PCDHGB4: variants seen among roughly 807,000 people sequenced by gnomAD.
PCDHGB4 encodes protocadherin gamma-B4.
A neutral mutation model predicts 60.5 loss-of-function variants in PCDHGB4; 38 were observed. The ratio of observed to expected loss-of-function variants is 0.63; its 90% CI spans 0.48 to 0.82. The LOEUF (loss-of-function observed/expected upper bound fraction) is 0.82, where lower values mean the gene tolerates loss of function less well. PCDHGB4 is among the 40% of genes least tolerant of loss of function. The pLI is 0.00. For synonymous variants in PCDHGB4, 456 were observed against 509.7 expected (o/e 0.89, Z 1.42); for missense variants, 1,109 against 1,209.6 (o/e 0.92, Z 1.23).
intron 1 of PCDHGB4, among the ~76,000 whole-genome samples, chr5:141,401,855 C>T (rs1188056656): frequency 1.3e-5 from 2 of 152,164 alleles, no homozygotes; most frequent in African/African-American, 2.4e-5. Flanking sequence ...TACTTTTAAC[C>T]TTTCAGTAGT....
At chr5:141,393,491 G>C in intron 1 of PCDHGB4, 1 of 1,614,026 alleles carries the variant, frequency 6.2e-7, no homozygotes, top group Non-Finnish European at 8.5e-7. Flanking sequence ...CTAGCACAGT[G>C]CGCATCCACG....
intron 1 of PCDHGB4, chr5:141,420,333 A>G (rs778366534): frequency 2.1e-6 from 3 of 1,402,720 alleles, no homozygotes; most frequent in Non-Finnish European, 2.9e-6. Flanking sequence ...ATATATTCCA[A>G]TATAGTGGTA....
chr5:141,418,411 C>T, intron 1 of PCDHGB4: 1 of 1,613,986 alleles, frequency 6.2e-7, no homozygotes, highest in East Asian at 2.2e-5. Flanking sequence ...TGGAGAAAGA[C>T]AATCCTGATG....
chr5:141,413,372 G>T lies in PCDHGB4; in HGVS notation c.2397+23091G>T, dbSNP rs760934804. ...CTGGCGCCCCGGGAGCTGGCGGAGCGCGGAGTCCGCATAGTCTCCAGAGGT... is the reference window on the plus strand; with the variant it reads ...CTGGCGCCCCGGGAGCTGGCGGAGCTCGGAGTCCGCATAGTCTCCAGAGGT... On this transcript the variant is annotated intron_variant, in intron 1 of 3. Transcript: ENST00000519479. The T allele has an allele frequency of 1.9e-6, 3 of 1,613,950 alleles. No individual in the cohort carries two copies. The South Asian group carries it at 3.3e-5, about 18-fold the overall frequency.
In PCDHGB4 at chr5:141,409,393, T is replaced by C. The variant is rs539937433; in HGVS notation, c.2397+19112T>C. 4.8e-5 allele frequency: 77 copies of C among 1,614,062 alleles called. 1 individual carries two copies. In the East Asian group the frequency reaches 1.7e-3, roughly 35 times the overall value. On this transcript the variant is annotated intron_variant, in intron 1 of 3. Coordinates refer to ENST00000519479, the MANE Select transcript of PCDHGB4 (RefSeq NM_003736.4). ...ACATTCCATTCAAGATTTATTCTTC[T>C]TCCAATAACTACTACAAACTGGTGA...
At chr5:141,421,582 G>A (rs531591776) in intron 1 of PCDHGB4, 4 of 1,613,874 alleles carry the variant, frequency 2.5e-6, no homozygotes, top group Non-Finnish European at 2.5e-6. Flanking sequence ...GAAGATTTAC[G>A]GAGTGGAGGT....
At position 141,409,159 on chromosome 5, in the gene PCDHGB4, GGAAGC is replaced by G. The variant is rs1361879939; in HGVS notation, c.2397+18883_2397+18887del. On this transcript the variant is annotated intron_variant, in intron 1 of 3. Transcript: ENST00000519479. ...ATGTAGAAAGGTACACCATGGAAGTGGAAGCGAAGGACGGAGGTGGTCTCTCTACC... is the reference window on the plus strand; with the variant it reads ...ATGTAGAAAGGTACACCATGGAAGTGGAAGGACGGAGGTGGTCTCTCTACC... The G allele has an allele frequency of 3.1e-6, 5 of 1,614,014 alleles. 1 individual carries two copies. In the South Asian group the frequency reaches 5.5e-5, roughly 18 times the overall value.
chr5:141,440,481 T>C (rs1451820594), intron 1 of PCDHGB4: 1 of 152,196 alleles, frequency 6.6e-6, no homozygotes, highest in African/African-American at 2.4e-5. Context: ...GAAAATTCTT[T>C]AAATGTTTTT....
rs2096665320 is a variant in PCDHGB4 at position 141,422,696 on chromosome 5, A to G, written c.2397+32415A>G. The G allele has an allele frequency of 3.1e-6, 5 of 1,602,638 alleles. No homozygotes were observed. The highest frequency in any genetic ancestry group is 4.3e-6 in the Non-Finnish European group (5 of 1,174,110). On this transcript the variant is annotated intron_variant, in intron 1 of 3. Coordinates refer to ENST00000519479, the MANE Select transcript of PCDHGB4 (RefSeq NM_003736.4). Reference sequence around the variant, plus strand: ...AGCAAACAGAATGCCCTGGTCACTTACTCTCTGACGGATGACACTGTCCAG... The same window carrying G: ...AGCAAACAGAATGCCCTGGTCACTTGCTCTCTGACGGATGACACTGTCCAG...
At position 141,419,408 on chromosome 5, in the gene PCDHGB4, C is replaced by T. The variant is rs534591654; in HGVS notation, c.2397+29127C>T. On this transcript the variant is annotated intron_variant, in intron 1 of 3. Coordinates refer to ENST00000519479, the MANE Select transcript of PCDHGB4 (RefSeq NM_003736.4). ...CGCGCAGAGCGGGGTGGTGTTCGCG[C>T]AGCGCGCCTTCGACCACGAGCAGCT... 6.2e-6 allele frequency: 10 copies of T among 1,613,508 alleles called. No individual in the cohort carries two copies. The African/African-American group carries it at 1.3e-4, about 21-fold the overall frequency.
chr5:141,438,733 C>T (rs2098057443), intron 1 of PCDHGB4, among the ~76,000 whole-genome samples: 1 of 149,042 alleles, frequency 6.7e-6, no homozygotes, highest in Non-Finnish European at 1.5e-5. Context: ...GTGATCTCAG[C>T]TCACTGCAAC....
chr5:141,494,751 G>A, intron 1 of PCDHGB4, 56 bp from the exon 2 acceptor site: 2 of 1,613,426 alleles, frequency 1.2e-6, no homozygotes, highest in Non-Finnish European at 8.5e-7. Flanking sequence ...AGGGGCTCGG[G>A]TGACATTCTA....
intron 1 of PCDHGB4, among the ~76,000 whole-genome samples, chr5:141,436,522 C>T (rs933890051): frequency 3.9e-5 from 6 of 152,088 alleles, no homozygotes; most frequent in African/African-American, 1.4e-4. Context: ...ACTGTGTCAC[C>T]TTTAGCAAGT....
chr5:141,419,660 A>C (rs759082983), intron 1 of PCDHGB4: 1 of 1,612,798 alleles, frequency 6.2e-7, no homozygotes, highest in Admixed American at 1.7e-5. Context: ...CTCGGGGCAC[A>C]ATGCCTGGCT....
At position 141,491,766 on chromosome 5, in the gene PCDHGB4, T is replaced by G. The variant is rs772444495; in HGVS notation, c.2398-3041T>G. On this transcript the variant is annotated intron_variant, in intron 1 of 3. Coordinates refer to ENST00000519479, the MANE Select transcript of PCDHGB4 (RefSeq NM_003736.4). This position sits in a 1 kb window ranked among gnomAD's most constrained non-coding sequence, Gnocchi z 6.9. ...GCACTGGAGAAGCCGCCCGTCCTCA[T>G]AAGGGATTGAACTTGCATCCACTCC... The G allele has an allele frequency of 1.9e-6, 3 of 1,567,856 alleles. No homozygotes were observed. Among genetic ancestry groups the G allele is most frequent in the Non-Finnish European group, 8.6e-7 (1 of 1,158,088 alleles).
At chr5:141,420,965 TA>T (rs1468739825) in intron 1 of PCDHGB4, 6 of 433,892 alleles carry the variant, frequency 1.4e-5, no homozygotes, top group African/African-American at 1.0e-4. Flanking sequence ...GTCGTTGCAA[TA>T]ATAAGAATGG....
At chr5:141,474,965 A>G (rs1268347441) in intron 1 of PCDHGB4, among the ~76,000 whole-genome samples, 1 of 152,236 alleles carries the variant, frequency 6.6e-6, no homozygotes, top group Non-Finnish European at 1.5e-5. Context: ...TATCCTAATC[A>G]TTATAATTTT....
In PCDHGB4 at chr5:141,490,996, G is replaced by A; in HGVS notation, c.2398-3811G>A. ...GCGTCTCCCTCGCTCTGCTCCTCCT[G>A]GCTCCTTGGTCACCAAGGTGACAGC... is the stretch of plus-strand genomic sequence containing the variant. On this transcript the variant is annotated intron_variant, in intron 1 of 3. Transcript: ENST00000519479. This position sits in a 1 kb window ranked among gnomAD's most constrained non-coding sequence, Gnocchi z 5.4. The A allele has an allele frequency of 6.2e-7, 1 of 1,614,090 alleles. No individual in the cohort carries two copies. The highest frequency in any genetic ancestry group is 8.5e-7 in the Non-Finnish European group (1 of 1,180,028).
chr5:141,489,342 A>G lies in PCDHGB4; in HGVS notation c.2398-5465A>G. 3.7e-6 allele frequency: 6 copies of G among 1,609,084 alleles called. No homozygotes were observed. The Middle Eastern group carries it at 6.6e-4, about 178-fold the overall frequency. On this transcript the variant is annotated intron_variant, in intron 1 of 3. Transcript: ENST00000519479. The surrounding 1 kb of genome is among the most constrained non-coding windows in gnomAD (Gnocchi z 4.5). ...GGGTGTCTGGGCAGCTTCGTTACTCAGTGGTGGAGGAGTCTGAGCCGGGGA... is the reference window on the plus strand; with the variant it reads ...GGGTGTCTGGGCAGCTTCGTTACTCGGTGGTGGAGGAGTCTGAGCCGGGGA...
Sources: gnomAD v4.1 joint callset for allele counts (sites outside exome capture counted in the v4.1 genomes callset) on GRCh38, gnomAD v4.1.1 for gene constraint, Gnocchi (gnomAD v3.1) non-coding constraint, MANE v1.5 for transcripts, NCBI Gene and HGNC (gene_info 2026-07-23, HGNC 2026-07-21) for gene names.